Variants in RASA1 observed in about 807,000 individuals in gnomAD.
RASA1 encodes the protein RAS p21 protein activator 1.
Under a neutral mutation model 132.2 loss-of-function variants are expected in RASA1, and 25 were observed. The ratio of observed to expected loss-of-function variants is 0.19; its 90% CI spans 0.14 to 0.26. The LOEUF is 0.26. RASA1 is among the 10% of genes least tolerant of loss of function. RASA1 has a pLI of 1.00. For synonymous variants in RASA1, 477 were observed against 449.9 expected (o/e 1.06, Z -0.76); for missense variants, 964 against 1,299.2 (o/e 0.74, Z 3.97).
In RASA1 at chr5:87,268,755, G is replaced by T. The variant is rs115606026; in HGVS notation, c.304G>T (p.Val102Leu). ...AAGVAGAAAG[V>L]AGAAVAGPSG... ...TGGCGTAGCTGGTGCTGCTGCTGGCGTGGCCGGTGCTGCTGTTGCTGGACC... is the reference window on the plus strand; with the variant it reads ...TGGCGTAGCTGGTGCTGCTGCTGGCTTGGCCGGTGCTGCTGTTGCTGGACC... Residue 102 changes from valine (V) to leucine (L), a missense_variant, in exon 1 of 25, where the codon GTG becomes TTG. Physicochemically the swap from Val to Leu is conservative, Grantham distance 32. Coordinates refer to ENST00000274376, the MANE Select transcript of RASA1 (RefSeq NM_002890.3). 826 of 1,613,668 alleles carry T rather than the reference G, an allele frequency of 5.1e-4. 2 individuals carry two copies. In the African/African-American group the frequency reaches 9.5e-3, roughly 18 times the overall value.
chr5:87,280,286 A>G (rs1754258250), intron 1 of RASA1, among the ~76,000 whole-genome samples: 1 of 151,716 alleles, frequency 6.6e-6, no homozygotes, highest in Admixed American at 6.6e-5. Context: ...ATTAACCATC[A>G]CAGTAATGAT....
chr5:87,318,300 A>C (rs914346236), intron 1 of RASA1: 1 of 152,200 alleles, frequency 6.6e-6, no homozygotes, highest in African/African-American at 2.4e-5. Flanking sequence ...GTATAGGGGA[A>C]CATGTAAAAA....
rs1761491637 is a variant in RASA1 at position 87,378,682 on chromosome 5, T to C, written c.2487+144T>C. 1.1e-5 allele frequency: 10 copies of C among 878,794 alleles called. No homozygotes were observed. The Admixed American group carries it at 1.4e-4, about 12-fold the overall frequency. The allele number at this position is 878,794 out of a possible 1,614,324, so 54.4% of individuals were successfully genotyped here. ...CAGTTACACCTGTCTGTAATACATT[T>C]ATAAAAATGTTCTGCAAAATGGACT... On this transcript the variant is annotated intron_variant, in intron 18 of 24. Coordinates refer to ENST00000274376, the MANE Select transcript of RASA1 (RefSeq NM_002890.3).
intron 2 of RASA1, among the ~76,000 whole-genome samples, chr5:87,331,906 AC>A (rs774875500): frequency 4.6e-5 from 7 of 152,264 alleles, no homozygotes; most frequent in South Asian, 2.1e-4. Context: ...GCAGACATGC[AC>A]TTCAGTGAAA....
chr5:87,370,678 T>G (rs891143386), intron 12 of RASA1, among the ~76,000 whole-genome samples: 2 of 152,138 alleles, frequency 1.3e-5, no homozygotes, highest in African/African-American at 4.8e-5. Flanking sequence ...TTTTTTTGCT[T>G]TCTTTGAACC....
chr5:87,284,951 T>C (rs1179087679), intron 1 of RASA1, among the ~76,000 whole-genome samples: 1 of 152,106 alleles, frequency 6.6e-6, no homozygotes, highest in African/African-American at 2.4e-5. Flanking sequence ...AAGAACCTTA[T>C]CTATGTGATA....
At chr5:87,307,161 C>T (rs1053431938) in intron 1 of RASA1, among the ~76,000 whole-genome samples, 1 of 152,138 alleles carries the variant, frequency 6.6e-6, no homozygotes, top group African/African-American at 2.4e-5. Context: ...AGCCACTTTG[C>T]CCAGCCCGTT....
intron 1 of RASA1, among the ~76,000 whole-genome samples, chr5:87,307,089 G>GGCTTC (rs1755652124): frequency 6.6e-6 from 1 of 152,076 alleles, no homozygotes; most frequent in Non-Finnish European, 1.5e-5. Flanking sequence ...GGCTGGTATT[G>GGCTTC]AACTCCTGGC....
At chr5:87,351,401 A>G (rs1009495777) in intron 8 of RASA1, among the ~76,000 whole-genome samples, 11 of 151,784 alleles carry the variant, frequency 7.2e-5, no homozygotes, top group African/African-American at 2.7e-4. Flanking sequence ...GAATCAATAA[A>G]TGAGAGTTCA....
intron 1 of RASA1, among the ~76,000 whole-genome samples, chr5:87,278,469 C>G (rs1396036438): frequency 1.3e-5 from 2 of 151,836 alleles, no homozygotes; most frequent in Admixed American, 6.6e-5. Context: ...TGGCGTGAAC[C>G]TGGGAGGCAG....
At position 87,391,715 on chromosome 5, in the gene RASA1, A is replaced by G. The variant is rs1386268020; in HGVS notation, c.*832A>G. 2.6e-5 allele frequency: 6 copies of G among 232,702 alleles called. No homozygotes were observed. The highest frequency in any genetic ancestry group is 4.4e-5 in the African/African-American group (2 of 45,278). The allele number at this position is 232,702 out of a possible 1,614,324, so 14.4% of individuals were successfully genotyped here. On this transcript the variant is annotated 3_prime_UTR_variant, in exon 25 of 25. Coordinates refer to ENST00000274376, the MANE Select transcript of RASA1 (RefSeq NM_002890.3). ...AACTAGAATGCTTTTGTTAAAAGTTATTTGTTCATTATTTGTGCTACCCCT... is the reference window on the plus strand; with the variant it reads ...AACTAGAATGCTTTTGTTAAAAGTTGTTTGTTCATTATTTGTGCTACCCCT...
intron 1 of RASA1, among the ~76,000 whole-genome samples, chr5:87,291,077 G>A (rs941695575): frequency 6.6e-6 from 1 of 152,210 alleles, no homozygotes; most frequent in African/African-American, 2.4e-5. Context: ...CCTGTAGTGA[G>A]TGAGAGTTCC....
At chr5:87,352,425 T>C (rs897872489) in intron 8 of RASA1, among the ~76,000 whole-genome samples, 1 of 151,712 alleles carries the variant, frequency 6.6e-6, no homozygotes, top group African/African-American at 2.4e-5. Flanking sequence ...TAAAGGAAGG[T>C]TTAAAATTCC....
At chr5:87,309,402 A>G (rs908618427) in intron 1 of RASA1, among the ~76,000 whole-genome samples, 10 of 152,136 alleles carry the variant, frequency 6.6e-5, no homozygotes, top group African/African-American at 2.4e-4. Context: ...GGTAGTCAGT[A>G]TAGGACTCAT....
chr5:87,319,333 A>AT lies in RASA1; in HGVS notation c.540-12012dup, dbSNP rs563150351. Among the ~76,000 whole-genome samples, 387 of 152,270 alleles carry AT rather than the reference A, an allele frequency of 2.5e-3. 1 individual carries two copies. The highest frequency in any genetic ancestry group is 8.8e-3 in the African/African-American group (365 of 41,558). On this transcript the variant is annotated intron_variant, in intron 1 of 24. Coordinates refer to ENST00000274376, the MANE Select transcript of RASA1 (RefSeq NM_002890.3). ...CTCTCTGTGAGGGTTCCAGTCCCAC[A>AT]TTTCCCCCTCTGCACTGCCCTAGTA...
chr5:87,346,308 T>C (rs552175996), intron 6 of RASA1, among the ~76,000 whole-genome samples: 1 of 152,050 alleles, frequency 6.6e-6, no homozygotes, highest in South Asian at 2.1e-4. Context: ...AATTCATTAA[T>C]TTTTTCAGGG....
intron 1 of RASA1, among the ~76,000 whole-genome samples, chr5:87,306,850 G>C (rs184962371): frequency 5.7e-4 from 87 of 151,836 alleles, no homozygotes; most frequent in African/African-American, 2.0e-3. Flanking sequence ...GTATGTCTGC[G>C]TACCCTCCGC....
At position 87,366,541 on chromosome 5, in the gene RASA1, A is replaced by G. The variant is rs571619189; in HGVS notation, c.1610+3037A>G. ...TTCTGTCTGGTAGGGGGAAAGCAATAAATATACATTTACCACTTGCTGTAA... is the reference window on the plus strand; with the variant it reads ...TTCTGTCTGGTAGGGGGAAAGCAATGAATATACATTTACCACTTGCTGTAA... On this transcript the variant is annotated intron_variant, in intron 11 of 24. Coordinates refer to ENST00000274376, the MANE Select transcript of RASA1 (RefSeq NM_002890.3). 2.1e-5 allele frequency: 4 copies of G among 194,320 alleles called. No individual in the cohort carries two copies. In the East Asian group the frequency reaches 4.3e-4, roughly 21 times the overall value. The allele number at this position is 194,320 out of a possible 1,614,324, so 12.0% of individuals were successfully genotyped here.
At chr5:87,311,108 C>T (rs752194770) in intron 1 of RASA1, among the ~76,000 whole-genome samples, 1 of 152,006 alleles carries the variant, frequency 6.6e-6, no homozygotes, top group Non-Finnish European at 1.5e-5. Context: ...AATAGTTATG[C>T]GATTATTGAG....
Sources: allele counts gnomAD v4.1 joint callset (sites outside exome capture counted in the v4.1 genomes callset), GRCh38; gene constraint gnomAD v4.1.1; transcripts MANE v1.5; gene names NCBI Gene and HGNC (gene_info 2026-07-23, HGNC 2026-07-21).